The following PAK6 variants were observed in gnomAD, a reference collection of about 807,000 sequenced individuals.
PAK6 encodes serine/threonine-protein kinase PAK 6.
Under a neutral mutation model 60.8 loss-of-function variants are expected in PAK6, and 33 were observed. The observed-to-expected ratio is 0.54, with a 90% CI of 0.41 to 0.73. The LOEUF is 0.73. Ranked by LOEUF, PAK6 falls within the 30% of genes least tolerant of loss-of-function variation. The probability of loss-of-function intolerance (pLI) is 0.00; values close to 1 mark genes in which losing one functional copy is unlikely to be tolerated. For synonymous variants in PAK6, 404 were observed against 378.5 expected (o/e 1.07, Z -0.78); for missense variants, 845 against 904.1 (o/e 0.93, Z 0.84).
exon 6 of PAK6, chr15:40,272,381 C>T (rs536947257): frequency 6.2e-7 from 1 of 1,613,670 alleles, no homozygotes; most frequent in South Asian, 1.1e-5. Context: ...GCCCCGGCCA[C>T]AGGCCAGCTT....
At chr15:40,265,049 G>A (rs778585715) in intron 4 of PAK6, 60 bp downstream of exon 4, 62 of 1,512,436 alleles carry the variant, frequency 4.1e-5, no homozygotes, top group Non-Finnish European at 5.1e-5. Flanking sequence ...AACCATGCCT[G>A]GCTAAACCTC....
chr15:40,255,515 C>T (rs1214980262), intron 3 of PAK6, among the ~76,000 whole-genome samples: 3 of 152,174 alleles, frequency 2.0e-5, no homozygotes, highest in African/African-American at 4.8e-5. Flanking sequence ...ATCTTGTGGG[C>T]ATCCACATGA....
chr15:40,252,765 G>A (rs1187038040), intron 2 of PAK6: 4 of 1,301,418 alleles, frequency 3.1e-6, no homozygotes, highest in African/African-American at 3.0e-5. Context: ...CCCTTCCTGG[G>A]TGCCCATGCC....
intron 10 of PAK6, among the ~76,000 whole-genome samples, chr15:40,275,280 GTTTTT>G (rs869058525): frequency 1.6e-4 from 9 of 56,512 alleles, no homozygotes; most frequent in South Asian, 1.4e-3. Context: ...GTTGTTGTTG[GTTTTT>G]TTTTTTTTTT....
At position 40,266,300 on chromosome 15, in the gene PAK6, G is replaced by C. The variant is rs556758169; in HGVS notation, c.663G>C (p.Lys221Asn). ...ATAGGCATGGAATGAAGGCTGCCAA[G>C]CATGGCTCTGAGGAGGCCCGGCCAC... The change falls in exon 5 of 11, where the codon AAG becomes AAC. Residue 221 changes from lysine (K) to asparagine (N), a missense_variant. Physicochemically the swap from Lys to Asn is moderately conservative, Grantham distance 94. Transcript: ENST00000560346. 6.4e-5 allele frequency: 103 copies of C among 1,611,838 alleles called. 1 individual carries two copies. In the East Asian group the frequency reaches 1.7e-3, roughly 26 times the overall value.
chr15:40,273,619 G>A, exon 9 of PAK6: 2 of 1,614,066 alleles, frequency 1.2e-6, no homozygotes, highest in Non-Finnish European at 1.7e-6. Context: ...AGTCCCTGGT[G>A]GGAACCCCCT....
At chr15:40,273,258 C>A in intron 7 of PAK6, 88 bp from the exon 8 acceptor site, 1 of 1,481,382 alleles carries the variant, frequency 6.8e-7, no homozygotes, top group Non-Finnish European at 9.2e-7. Flanking sequence ...TGGGGCCTAG[C>A]ACCAGGGACT....
At chr15:40,254,118 A>G (rs2038771263) in intron 3 of PAK6, among the ~76,000 whole-genome samples, 1 of 152,180 alleles carries the variant, frequency 6.6e-6, no homozygotes. Context: ...TGGGGTTTGA[A>G]TCTATCCAGA....
chr15:40,268,442 C>G (rs1007197605), intron 5 of PAK6, among the ~76,000 whole-genome samples: 3 of 152,218 alleles, frequency 2.0e-5, no homozygotes, highest in Non-Finnish European at 4.4e-5. Flanking sequence ...CCATTAAGAA[C>G]CACTGCCTTA....
intron 5 of PAK6, among the ~76,000 whole-genome samples, chr15:40,270,279 GC>G (rs2140988355): frequency 6.6e-6 from 1 of 152,212 alleles, no homozygotes; most frequent in South Asian, 2.1e-4. Flanking sequence ...CCCCCTCACA[GC>G]CCTCCCAGAG....
Position 40,274,132 on chromosome 15 carries a change from C to T in PAK6, c.1744-10C>T, listed in dbSNP as rs911034668. ...CTGGCCATGGGGTCAGGGACATTTT[C>T]CTCCTGCAGGTGGATATCTGGTCTC... is the stretch of plus-strand genomic sequence containing the variant. On this transcript the variant is annotated splice_polypyrimidine_tract_variant and intron_variant, in intron 9 of 10. Transcript: ENST00000560346. 6.2e-7 allele frequency: 1 copy of T among 1,613,950 alleles called. No individual in the cohort carries two copies.
In PAK6 at chr15:40,275,963, C is replaced by CT; in HGVS notation, c.1916dup (p.Val640GlyfsTer26). 1 of 1,613,304 alleles carries CT rather than the reference C, an allele frequency of 6.2e-7. No individual in the cohort carries two copies. Among genetic ancestry groups the CT allele is most frequent in the Non-Finnish European group, 8.5e-7 (1 of 1,179,902 alleles). Reference sequence around the variant, plus strand: ...GCTGCGAGACTTCCTGGAGCGGATGCTGGTGCGGGACCCCCAAGAGAGAGC... The same window carrying CT: ...GCTGCGAGACTTCCTGGAGCGGATGCTTGGTGCGGGACCCCCAAGAGAGAGC... On this transcript the variant is annotated frameshift_variant, in exon 11 of 11. Transcript: ENST00000560346. LOFTEE classifies it high-confidence loss of function.
chr15:40,249,607 G>A (rs543471506), intron 2 of PAK6, among the ~76,000 whole-genome samples: 50 of 152,288 alleles, frequency 3.3e-4, no homozygotes, highest in South Asian at 2.7e-3. Flanking sequence ...CTTGTTAGTC[G>A]CCTTCCTCAT....
chr15:40,264,971 G>A, exon 4 of PAK6: 3 of 1,613,434 alleles, frequency 1.9e-6, no homozygotes, highest in Non-Finnish European at 2.5e-6. Context: ...TCACACGGGT[G>A]CAGCTCCAGC....
At chr15:40,274,012 G>A in intron 9 of PAK6, 130 bp from the exon 10 acceptor site, 1 of 1,075,152 alleles carries the variant, frequency 9.3e-7, no homozygotes, top group Non-Finnish European at 1.4e-6. Flanking sequence ...GGTGACCAGG[G>A]GAGGAAGGAG....
At chr15:40,273,555 A>G (rs373086987) in exon 9 of PAK6, 26 of 1,613,780 alleles carry the variant, frequency 1.6e-5, no homozygotes, top group African/African-American at 4.0e-5. Context: ...CCGCAGGTGA[A>G]GCTCTCGGAC....
At chr15:40,272,396 G>A in exon 6 of PAK6, 14 of 1,613,618 alleles carry the variant, frequency 8.7e-6, no homozygotes, top group Non-Finnish European at 1.1e-5. Flanking sequence ...CAGCTTCCAG[G>A]CCGGTCTTCC....
At chr15:40,271,944 G>A (rs571092422) in intron 5 of PAK6, among the ~76,000 whole-genome samples, 1 of 152,316 alleles carries the variant, frequency 6.6e-6, no homozygotes, top group African/African-American at 2.4e-5. Flanking sequence ...ACCCGGCGGG[G>A]AGCTGGCCTT....
intron 3 of PAK6, among the ~76,000 whole-genome samples, chr15:40,261,093 T>C (rs1176809932): frequency 6.6e-6 from 1 of 151,402 alleles, no homozygotes; most frequent in Non-Finnish European, 1.5e-5. Context: ...TTTCACCGTG[T>C]TAGCCAGGAT....
Sources: allele counts gnomAD v4.1 joint callset (sites outside exome capture counted in the v4.1 genomes callset), GRCh38; gene constraint gnomAD v4.1.1; transcripts MANE v1.5; gene names NCBI Gene and HGNC (gene_info 2026-07-23, HGNC 2026-07-21).